The following MAP4K2 variants were observed in gnomAD, a reference collection of about 807,000 sequenced individuals.
MAP4K2 encodes B lymphocyte serine/threonine protein kinase.
Under a neutral mutation model 125.3 loss-of-function variants are expected in MAP4K2, and 85 were observed. That is an observed-to-expected ratio of 0.68 (90% confidence interval 0.57 to 0.81). MAP4K2 has a LOEUF of 0.81. Ranked by LOEUF, MAP4K2 falls within the 40% of genes least tolerant of loss-of-function variation. The pLI, the probability that MAP4K2 is intolerant of heterozygous loss-of-function variation, is 0.00. For missense variants in MAP4K2, 923 were observed against 1,056.4 expected, an observed-to-expected ratio of 0.87 and a Z score of 1.75; for synonymous variants, 479 against 445.1, an observed-to-expected ratio of 1.08 and a Z score of -0.96.
intron 2 of MAP4K2, 107 bp downstream of exon 2, chr11:64,802,777 CG>C: frequency 6.8e-7 from 1 of 1,470,400 alleles, no homozygotes; most frequent in African/African-American, 1.4e-5. Context: ...CAGCACCTCC[CG>C]GGGCACGCCT....
intron 24 of MAP4K2, among the ~76,000 whole-genome samples, chr11:64,793,353 T>G (rs1029660672): frequency 1.3e-5 from 2 of 152,142 alleles, no homozygotes; most frequent in Admixed American, 1.3e-4. Context: ...CCCGGGGCAG[T>G]GAATGAACTT....
At chr11:64,797,984 C>T (rs911329693) in intron 15 of MAP4K2, among the ~76,000 whole-genome samples, 17 of 150,412 alleles carry the variant, frequency 1.1e-4, no homozygotes, top group Non-Finnish European at 1.5e-4. Context: ...AGATTACAGG[C>T]ATGAGCCACA....
Position 64,791,946 on chromosome 11 carries a change from C to T in MAP4K2, c.2055G>A (p.Leu685=). ...GGATGTCGGGCGTCAGGCCAGCCTC[C>T]AGGGGCAGGACATGGAACAGGACGC... is the stretch of plus-strand genomic sequence containing the variant. The part of the protein sequence containing the change: ...GCRVLFHVLP[L]EAGLTPDILI... The change falls in exon 27 of 32, where the codon CTG becomes CTA. Residue 685 remains leucine (L), a synonymous_variant. Coordinates refer to ENST00000294066, the MANE Select transcript of MAP4K2 (RefSeq NM_004579.5). 6.2e-7 allele frequency: 1 copy of T among 1,604,684 alleles called. No homozygotes were observed. The highest frequency in any genetic ancestry group is 8.5e-7 in the Non-Finnish European group (1 of 1,175,690).
chr11:64,789,861 G>A (rs1413529891), intron 30 of MAP4K2, 28 bp downstream of exon 30: 75 of 1,613,984 alleles, frequency 4.6e-5, no homozygotes, highest in Non-Finnish European at 6.2e-5. Flanking sequence ...CAAGGCAGGG[G>A]ACAGCAAGGT....
Position 64,796,694 on chromosome 11 carries a change from C to T in MAP4K2, c.1512G>A (p.Gly504=). 2 of 1,614,080 alleles carry T rather than the reference C, an allele frequency of 1.2e-6. No individual in the cohort carries two copies. Among genetic ancestry groups the T allele is most frequent in the South Asian group, 1.1e-5 (1 of 91,086 alleles). The change falls in exon 22 of 32, where the codon GGG becomes GGA. Residue 504 remains glycine, a synonymous_variant. Transcript: ENST00000294066. ...TGAGTGTGTAGATGCCTTCCTCGGC[C>T]CCTACCACCAGGAACTGGTCTGCCA... is the stretch of plus-strand genomic sequence containing the variant. The part of the protein sequence containing the change: ...PVTRDQFLVV[G]AEEGIYTLNL...
intron 25 of MAP4K2, 29 bp downstream of exon 25, chr11:64,792,335 C>CG: frequency 2.0e-6 from 3 of 1,520,540 alleles, no homozygotes; most frequent in South Asian, 1.2e-5. Flanking sequence ...CACCAGGCCC[C>CG]GCCCCACCCC....
chr11:64,790,671 G>C (rs1940424294), intron 27 of MAP4K2, among the ~76,000 whole-genome samples: 1 of 152,190 alleles, frequency 6.6e-6, no homozygotes, highest in Middle Eastern at 3.2e-3. Context: ...CTCATGGGGA[G>C]TGGAGGAGGA....
chr11:64,802,180 G>A lies in MAP4K2; in HGVS notation c.311-59C>T, dbSNP rs559544730. 4.0e-6 allele frequency: 6 copies of A among 1,482,078 alleles called. No individual in the cohort carries two copies. In the Admixed American group the frequency reaches 8.8e-5, roughly 22 times the overall value. 91.8% of individuals were successfully genotyped at this position (1,482,078 alleles called of 1,614,324 possible). On this transcript the variant is annotated intron_variant, in intron 4 of 31. Coordinates refer to ENST00000294066, the MANE Select transcript of MAP4K2 (RefSeq NM_004579.5). ...CCGGGGGTCATGCCCACCCTCCCAG[G>A]CTACCGTGTGTGGGAAAAGCAGCAG...
chr11:64,787,400 G>A lies in MAP4K2; in HGVS notation c.*2137C>T, dbSNP rs954120828. The A allele has an allele frequency of 2.6e-5, 4 of 151,972 alleles. No individual in the cohort carries two copies. The highest frequency in any genetic ancestry group is 1.9e-4 in the East Asian group (1 of 5,188). The allele number at this position is 151,972 out of a possible 1,614,324, so 9.4% of individuals were successfully genotyped here. A position where few individuals can be genotyped will look rare whatever the true frequency, so the allele number is the denominator to read the frequency against. On this transcript the variant is annotated 3_prime_UTR_variant, in exon 32 of 32. Transcript: ENST00000294066. ...TATGTTAATACGTATATAAAAAATCGCCAAGAATAAAATATACCAAATTGC... is the reference window on the plus strand; with the variant it reads ...TATGTTAATACGTATATAAAAAATCACCAAGAATAAAATATACCAAATTGC...
At chr11:64,799,502 G>A in intron 13 of MAP4K2, 23 bp from the exon 14 acceptor site, 1 of 1,612,212 alleles carries the variant, frequency 6.2e-7, no homozygotes, top group South Asian at 1.1e-5. Context: ...GAGTACAAGA[G>A]TGAAGGAGCT....
At chr11:64,791,571 A>T (rs1940477282) in intron 27 of MAP4K2, among the ~76,000 whole-genome samples, 1 of 152,124 alleles carries the variant, frequency 6.6e-6, no homozygotes. Context: ...GGGTCTCGCC[A>T]TGTTGTCCAG....
At chr11:64,792,664 G>A (rs1055821507) in intron 24 of MAP4K2, among the ~76,000 whole-genome samples, 1 of 152,190 alleles carries the variant, frequency 6.6e-6, no homozygotes, top group Non-Finnish European at 1.5e-5. Flanking sequence ...TCTCAGGATT[G>A]CTTCTAGCTC....
chr11:64,791,147 A>C (rs1415543321), intron 27 of MAP4K2, among the ~76,000 whole-genome samples: 5 of 152,164 alleles, frequency 3.3e-5, no homozygotes, highest in South Asian at 2.1e-4. Context: ...AAAAATAAAA[A>C]AATAAATAAA....
chr11:64,802,851 T>G, intron 2 of MAP4K2, 34 bp downstream of exon 2: 1 of 1,588,276 alleles, frequency 6.3e-7, no homozygotes, highest in Non-Finnish European at 8.6e-7. Context: ...GCTCTGCCCT[T>G]CCTCTGGCGC....
intron 11 of MAP4K2, 42 bp from the exon 12 acceptor site, chr11:64,800,258 C>T: frequency 6.2e-7 from 1 of 1,612,382 alleles, no homozygotes; most frequent in Non-Finnish European, 8.5e-7. Context: ...GGCCCCTGAT[C>T]CAGGGCCCTG....
intron 30 of MAP4K2, 21 bp from the exon 31 acceptor site, chr11:64,789,806 C>A: frequency 6.2e-7 from 1 of 1,614,112 alleles, no homozygotes; most frequent in Non-Finnish European, 8.5e-7. Context: ...AGGTGGGAAG[C>A]ACTGAGGCCA....
intron 15 of MAP4K2, among the ~76,000 whole-genome samples, chr11:64,798,219 G>A (rs1424925206): frequency 2.0e-5 from 3 of 152,006 alleles, no homozygotes; most frequent in African/African-American, 7.3e-5. Context: ...AGGCTGGAGT[G>A]CAGTGGTGCA....
Position 64,796,716 on chromosome 11 carries a change from G to A in MAP4K2, c.1493-3C>T, listed in dbSNP as rs1250043139. ...GGCCCCTACCACCAGGAACTGGTCTGCCAGTTTGGGCATGGGGTCAGAGGT... is the reference window on the plus strand; with the variant it reads ...GGCCCCTACCACCAGGAACTGGTCTACCAGTTTGGGCATGGGGTCAGAGGT... On this transcript the variant is annotated splice_region_variant and splice_polypyrimidine_tract_variant and intron_variant, in intron 21 of 31. Transcript: ENST00000294066. 1 of 1,613,996 alleles carries A rather than the reference G, an allele frequency of 6.2e-7. No individual in the cohort carries two copies. Among genetic ancestry groups the A allele is most frequent in the Non-Finnish European group, 8.5e-7 (1 of 1,179,988 alleles).
chr11:64,796,132 A>G (rs1259015147), intron 24 of MAP4K2, 141 bp downstream of exon 24: 3 of 719,042 alleles, frequency 4.2e-6, no homozygotes, highest in East Asian at 2.9e-5. Context: ...AAGGCCATCA[A>G]TTGTATTGAC....
Sources: gnomAD v4.1 joint callset for allele counts (sites outside exome capture counted in the v4.1 genomes callset) on GRCh38, gnomAD v4.1.1 for gene constraint, MANE v1.5 for transcripts, NCBI Gene and HGNC (gene_info 2026-07-23, HGNC 2026-07-21) for gene names.